PTPRT: variants seen among roughly 807,000 people sequenced by gnomAD.
PTPRT encodes receptor-type tyrosine-protein phosphatase T.
PTPRT carries 56 observed loss-of-function variants against 176.8 expected under a neutral mutation model. That is an observed-to-expected ratio of 0.32 (90% CI 0.26 to 0.40). The LOEUF (loss-of-function observed/expected upper bound fraction) is 0.40. Ranked by LOEUF, PTPRT falls within the 10% of genes least tolerant of loss-of-function variation. The pLI is 1.00. For synonymous variants in PTPRT, 783 were observed against 739.0 expected (o/e 1.06, Z -0.96); for missense variants, 1,540 against 1,908.2 (o/e 0.81, Z 3.60).
intron 2 of PTPRT, among the ~76,000 whole-genome samples, chr20:42,861,435 TA>T (rs1394151641): frequency 6.6e-6 from 1 of 152,186 alleles, no homozygotes; most frequent in Non-Finnish European, 1.5e-5. Context: ...ATAATCAAAA[TA>T]TTTTTTTCTT....
At chr20:43,071,289 T>G (rs975234349) in intron 1 of PTPRT, among the ~76,000 whole-genome samples, 47 of 152,168 alleles carry the variant, frequency 3.1e-4, no homozygotes, top group African/African-American at 1.1e-3. Flanking sequence ...TCGTTAGATA[T>G]GCAAATCTCA....
At position 42,840,927 on chromosome 20, in the gene PTPRT, T is replaced by C. The variant is rs116341059; in HGVS notation, c.214+44880A>G. 1.5e-3 allele frequency among the ~76,000 whole-genome samples: 224 copies of C among 152,272 alleles called. 3 individuals carry two copies. The highest frequency in any genetic ancestry group is 5.1e-3 in the African/African-American group (213 of 41,566). On this transcript the variant is annotated intron_variant, in intron 2 of 30. Coordinates refer to ENST00000373187, the MANE Select transcript of PTPRT (RefSeq NM_007050.6). Reference sequence around the variant, plus strand: ...CAAGAAGCCTCTACCTTTCTCCTTATTGTTCATGGAGTCCTTCGTGCTACT... The same window carrying C: ...CAAGAAGCCTCTACCTTTCTCCTTACTGTTCATGGAGTCCTTCGTGCTACT...
intron 7 of PTPRT, among the ~76,000 whole-genome samples, chr20:42,668,771 A>G (rs1218759219): frequency 6.6e-6 from 1 of 150,802 alleles, no homozygotes; most frequent in Admixed American, 6.6e-5. Context: ...GGCTCACTGC[A>G]AGCTCCGCCT....
chr20:43,050,666 C>T (rs1987007038), intron 1 of PTPRT, among the ~76,000 whole-genome samples: 1 of 152,242 alleles, frequency 6.6e-6, no homozygotes, highest in Non-Finnish European at 1.5e-5. Context: ...CACTTCACTT[C>T]TCTGAGCCTC....
chr20:42,843,101 T>G (rs946214334), intron 2 of PTPRT, among the ~76,000 whole-genome samples: 1 of 152,200 alleles, frequency 6.6e-6, no homozygotes, highest in African/African-American at 2.4e-5. Flanking sequence ...TAAATAAGCA[T>G]GTGGATTATA....
At chr20:42,265,545 T>C (rs1373111186) in intron 13 of PTPRT, among the ~76,000 whole-genome samples, 5 of 152,168 alleles carry the variant, frequency 3.3e-5, no homozygotes, top group South Asian at 2.1e-4. Context: ...CCCCCAGAGC[T>C]GCCCCCTCTC....
At chr20:42,134,808 C>A (rs1164468385) in intron 18 of PTPRT, among the ~76,000 whole-genome samples, 1 of 152,180 alleles carries the variant, frequency 6.6e-6, no homozygotes, top group Non-Finnish European at 1.5e-5. Flanking sequence ...TATGAGTCAG[C>A]TACAGAACAC....
intron 9 of PTPRT, among the ~76,000 whole-genome samples, chr20:42,377,040 C>G (rs1477784070): frequency 6.6e-6 from 1 of 152,164 alleles, no homozygotes; most frequent in African/African-American, 2.4e-5. Flanking sequence ...GCAAGGCTGT[C>G]AGATGCGTGT....
intron 6 of PTPRT, among the ~76,000 whole-genome samples, chr20:42,701,320 T>A (rs1480717619): frequency 6.6e-6 from 1 of 152,154 alleles, no homozygotes; most frequent in East Asian, 1.9e-4. Flanking sequence ...GGAAGGTCAC[T>A]GATGTAACAG....
intron 13 of PTPRT, among the ~76,000 whole-genome samples, chr20:42,267,595 T>C (rs1376971857): frequency 6.6e-6 from 1 of 152,182 alleles, no homozygotes; most frequent in Non-Finnish European, 1.5e-5. Flanking sequence ...TGGGAATGTC[T>C]GGAGATGTAC....
intron 12 of PTPRT, among the ~76,000 whole-genome samples, chr20:42,307,688 G>A (rs534691236): frequency 2.6e-5 from 4 of 152,140 alleles, no homozygotes; most frequent in Non-Finnish European, 5.9e-5. Flanking sequence ...AGACTCAACA[G>A]GAACAGATAT....
At chr20:42,498,394 T>C (rs58796295) in intron 7 of PTPRT, among the ~76,000 whole-genome samples, 19,550 of 152,028 alleles carry the variant, frequency 0.13, 2,931 homozygotes, top group African/African-American at 0.37. Flanking sequence ...ATAGAGATCT[T>C]AAGGACTGAC....
At chr20:42,088,344 C>T (rs1017141314) in intron 27 of PTPRT, among the ~76,000 whole-genome samples, 4 of 152,174 alleles carry the variant, frequency 2.6e-5, no homozygotes, top group Non-Finnish European at 5.9e-5. Flanking sequence ...GACCCACCCC[C>T]TACAGATGCA....
chr20:42,689,239 C>T (rs1204882904), intron 6 of PTPRT, among the ~76,000 whole-genome samples: 1 of 152,178 alleles, frequency 6.6e-6, no homozygotes, highest in East Asian at 1.9e-4. Flanking sequence ...AACGTTGGAA[C>T]CAGCAGACCA....
In PTPRT at chr20:43,140,443, A is replaced by AGT. The variant is rs6147356; in HGVS notation, c.88+49201_88+49202dup. On this transcript the variant is annotated intron_variant, in intron 1 of 30. Transcript: ENST00000373187. The stretch of plus-strand genomic sequence containing the variant: ...GACAAGAGTTAGCAAACCTCTGGGT[A>AGT]GTGTGTGTGTGTGTGTGTGTGTGTG... Among the ~76,000 whole-genome samples the AGT allele has an allele frequency of 4.4e-3, 652 of 146,910 alleles. 3 individuals carry two copies. Among genetic ancestry groups the AGT allele is most frequent in the African/African-American group, 0.016 (613 of 38,852 alleles).
chr20:42,201,311 A>G (rs1012283455), intron 15 of PTPRT, among the ~76,000 whole-genome samples: 2 of 152,078 alleles, frequency 1.3e-5, no homozygotes, highest in African/African-American at 4.8e-5. Context: ...CAAACAAACA[A>G]ACAAAAAACA....
At position 42,865,199 on chromosome 20, in the gene PTPRT, G is replaced by T. The variant is rs138234577; in HGVS notation, c.214+20608C>A. 4.8e-3 allele frequency among the ~76,000 whole-genome samples: 728 copies of T among 152,258 alleles called. 8 individuals carry two copies. The highest frequency in any genetic ancestry group is 0.016 in the African/African-American group (665 of 41,538). On this transcript the variant is annotated intron_variant, in intron 2 of 30. Coordinates refer to ENST00000373187, the MANE Select transcript of PTPRT (RefSeq NM_007050.6). ...TGTGTGGTATTAGAGTTAGAAAACT[G>T]GGAGTATTACCTAATCAGGGCTCTT...
chr20:42,624,028 A>C (rs74273917), intron 7 of PTPRT, among the ~76,000 whole-genome samples: 2,336 of 143,418 alleles, frequency 0.016, 67 homozygotes, highest in South Asian at 0.067. Context: ...AACAAACAAA[A>C]AAAAAAAACC....
chr20:42,290,250 G>T (rs1370365822), intron 12 of PTPRT, among the ~76,000 whole-genome samples: 2 of 152,018 alleles, frequency 1.3e-5, no homozygotes, highest in Non-Finnish European at 2.9e-5. Context: ...TTCTGGGACA[G>T]TACAATATAA....
Sources: gnomAD v4.1 joint callset for allele counts (sites outside exome capture counted in the v4.1 genomes callset) on GRCh38, gnomAD v4.1.1 for gene constraint, MANE v1.5 for transcripts, NCBI Gene and HGNC (gene_info 2026-07-23, HGNC 2026-07-21) for gene names.